Variants in AGBL1 observed in about 807,000 individuals in gnomAD.
The protein encoded by AGBL1 is AGBL carboxypeptidase 1, also known as cytosolic carboxypeptidase 4.
Under a neutral mutation model 118.9 loss-of-function variants are expected in AGBL1, and 130 were observed. That is an observed-to-expected ratio of 1.09 (90% CI 0.95 to 1.26). The LOEUF is 1.26. AGBL1 is among the 50% of genes most tolerant of loss of function. The pLI, the probability that AGBL1 is intolerant of heterozygous loss-of-function variation, is 0.00. For missense variants in AGBL1, 1,584 were observed against 1,298.1 expected, an observed-to-expected ratio of 1.22 and a Z score of -3.38; for synonymous variants, 555 against 478.9, an observed-to-expected ratio of 1.16 and a Z score of -2.08.
rs753473386 is a variant in AGBL1, at chr15:86,643,012, A to G, written c.2995-31261A>G. 5.3e-5 allele frequency among the ~76,000 whole-genome samples: 8 copies of G among 152,182 alleles called. No homozygotes were observed. In the South Asian group the frequency reaches 6.2e-4, roughly 12 times the overall value. On this transcript the variant is annotated intron_variant, in intron 21 of 22. Coordinates refer to ENST00000614907, the MANE Select transcript of AGBL1 (RefSeq NM_001386094.1). ...TTTAAATCAATGATTATATGACATCAATGACTTGGTTTCTTTTTACATCTC... is the reference window on the plus strand; with the variant it reads ...TTTAAATCAATGATTATATGACATCGATGACTTGGTTTCTTTTTACATCTC...
chr15:86,367,608 T>G (rs1175826739), intron 17 of AGBL1, among the ~76,000 whole-genome samples: 4 of 151,896 alleles, frequency 2.6e-5, no homozygotes, highest in Admixed American at 1.3e-4. Flanking sequence ...AAAAAAAGTT[T>G]CTTTTACCAG....
intron 22 of AGBL1, among the ~76,000 whole-genome samples, chr15:86,753,768 C>T (rs897071381): frequency 5.3e-5 from 8 of 152,196 alleles, no homozygotes; most frequent in African/African-American, 1.9e-4. Flanking sequence ...CCCTTTATCT[C>T]ACCTACAAAC....
chr15:86,855,793 T>G (rs771948246), intron 22 of AGBL1, among the ~76,000 whole-genome samples: 1 of 152,218 alleles, frequency 6.6e-6, no homozygotes, highest in Admixed American at 6.5e-5. Context: ...GGAGGGGAGA[T>G]AGCAGAATCC....
intron 21 of AGBL1, among the ~76,000 whole-genome samples, chr15:86,648,054 C>T (rs887584130): frequency 1.3e-5 from 2 of 152,116 alleles, no homozygotes; most frequent in African/African-American, 2.4e-5. Context: ...CAGAGACTTG[C>T]TCAAGGACCA....
intron 5 of AGBL1, among the ~76,000 whole-genome samples, chr15:86,194,741 G>GT (rs1256506867): frequency 6.6e-6 from 1 of 152,198 alleles, no homozygotes; most frequent in African/African-American, 2.4e-5. Flanking sequence ...CACAGAACAG[G>GT]TAACCCTCTG....
intron 22 of AGBL1, among the ~76,000 whole-genome samples, chr15:86,841,697 A>C (rs188566478): frequency 4.0e-4 from 61 of 152,170 alleles, no homozygotes; most frequent in Admixed American, 3.5e-3. Flanking sequence ...AAACACAAAA[A>C]TTATCTGGGT....
chr15:86,264,322 A>G lies in AGBL1; in HGVS notation c.1151A>G (p.His384Arg), dbSNP rs891679179. The G allele has an allele frequency of 1.9e-6, 3 of 1,611,590 alleles. No individual in the cohort carries two copies. The East Asian group carries it at 6.7e-5, about 36-fold the overall frequency. Residue 384 changes from histidine to arginine, a missense_variant, in exon 11 of 23, where the codon CAC (histidine) becomes CGC (arginine). By Grantham distance (29) the His-to-Arg change is conservative (BLOSUM62 0). Transcript: ENST00000614907. ...AAGACTCAGTATGCCAATCACCACC[A>G]CATTCCAGCCGCTGCCTCCTCAAAA... is the stretch of plus-strand genomic sequence containing the variant. The part of the protein sequence containing the change: ...SEKTQYANHH[H>R]IPAAASSKQH...
At chr15:86,527,673 C>A (rs1489653243) in intron 19 of AGBL1, among the ~76,000 whole-genome samples, 2 of 152,116 alleles carry the variant, frequency 1.3e-5, no homozygotes, top group Non-Finnish European at 2.9e-5. Flanking sequence ...TTCTGAAGCA[C>A]TGGGAAGCCA....
chr15:86,381,018 ACT>A (rs1159386089), intron 17 of AGBL1, among the ~76,000 whole-genome samples: 9 of 152,116 alleles, frequency 5.9e-5, no homozygotes, highest in Non-Finnish European at 4.4e-5. Flanking sequence ...AAACACATAT[ACT>A]CAGGGGCCTT....
intron 24 of AGBL1, among the ~76,000 whole-genome samples, chr15:87,027,925 A>T (rs574082323): frequency 1.5e-4 from 23 of 151,880 alleles, no homozygotes; most frequent in Non-Finnish European, 3.2e-4. Flanking sequence ...AAGAATAACT[A>T]ATGGCTGCTG....
intron 23 of AGBL1, among the ~76,000 whole-genome samples, chr15:86,950,036 A>T (rs2080862799): frequency 6.6e-6 from 1 of 152,094 alleles, no homozygotes; most frequent in African/African-American, 2.4e-5. Context: ...TATACTTGTA[A>T]ATAAGACAGG....
At chr15:86,651,824 A>G (rs2085376104) in intron 21 of AGBL1, among the ~76,000 whole-genome samples, 1 of 152,086 alleles carries the variant, frequency 6.6e-6, no homozygotes, top group African/African-American at 2.4e-5. Flanking sequence ...CTGACAAAGT[A>G]TTGTCTTCCT....
intron 5 of AGBL1, among the ~76,000 whole-genome samples, chr15:86,200,604 T>G (rs959739460): frequency 1.5e-4 from 19 of 127,852 alleles, no homozygotes; most frequent in African/African-American, 5.4e-4. Flanking sequence ...TAAGCAATCA[T>G]GAATCCTTTT....
At chr15:86,719,499 T>A (rs2086685611) in intron 22 of AGBL1, among the ~76,000 whole-genome samples, 1 of 152,176 alleles carries the variant, frequency 6.6e-6, no homozygotes, top group Admixed American at 6.5e-5. Context: ...TGCATTCCTT[T>A]CTATGCATAG....
At chr15:86,854,202 G>A (rs2079446722) in intron 22 of AGBL1, among the ~76,000 whole-genome samples, 1 of 152,168 alleles carries the variant, frequency 6.6e-6, no homozygotes. Context: ...AGCCATCTTA[G>A]TTGATGGGGG....
At chr15:86,334,086 A>G (rs1196281274) in intron 17 of AGBL1, among the ~76,000 whole-genome samples, 1 of 152,214 alleles carries the variant, frequency 6.6e-6, no homozygotes. Flanking sequence ...ATAAACATGC[A>G]AAAACTTAAA....
chr15:86,361,840 G>A (rs1157320423), intron 17 of AGBL1, among the ~76,000 whole-genome samples: 1 of 152,052 alleles, frequency 6.6e-6, no homozygotes, highest in Non-Finnish European at 1.5e-5. Flanking sequence ...TGTCCTTAAA[G>A]CTAAAGTGAG....
intron 22 of AGBL1, among the ~76,000 whole-genome samples, chr15:86,694,064 C>A: frequency 6.6e-6 from 1 of 151,916 alleles, no homozygotes; most frequent in East Asian, 1.9e-4. Flanking sequence ...CTTAGTCTTG[C>A]TTTGGCTATG....
intron 22 of AGBL1, among the ~76,000 whole-genome samples, chr15:86,686,494 A>G (rs1244711339): frequency 2.7e-5 from 4 of 146,306 alleles, no homozygotes; most frequent in East Asian, 2.1e-4. Flanking sequence ...CTGGAGTGCA[A>G]TGGCATGATC....
Sources: gnomAD v4.1 joint callset for allele counts (sites outside exome capture counted in the v4.1 genomes callset) on GRCh38, gnomAD v4.1.1 for gene constraint, MANE v1.5 for transcripts, NCBI Gene and HGNC (gene_info 2026-07-23, HGNC 2026-07-21) for gene names.